EYA1: variants seen among roughly 807,000 people sequenced by gnomAD.
EYA1 encodes protein phosphatase EYA1.
EYA1 carries 16 observed loss-of-function variants against 82.0 expected under a neutral mutation model. The ratio of observed to expected loss-of-function variants is 0.20; its 90% CI spans 0.13 to 0.30. EYA1 has a LOEUF of 0.30. Among genes scored for constraint, EYA1 ranks in the 10% least tolerant of loss-of-function variants. EYA1 has a pLI of 1.00. For synonymous variants in EYA1, 261 were observed against 264.4 expected (o/e 0.99, Z 0.12); for missense variants, 633 against 730.7 (o/e 0.87, Z 1.54).
intron 2 of EYA1, among the ~76,000 whole-genome samples, chr8:71,457,060 A>G (rs1275390316): frequency 1.3e-5 from 2 of 152,226 alleles, no homozygotes; most frequent in African/African-American, 4.8e-5. Context: ...AAACAAATTT[A>G]CAAGAAAAAA....
At chr8:71,503,820 C>A (rs1320284017) in intron 2 of EYA1, among the ~76,000 whole-genome samples, 1 of 152,192 alleles carries the variant, frequency 6.6e-6, no homozygotes, top group Non-Finnish European at 1.5e-5. Context: ...CCAGCATCCC[C>A]ACAGACCACA....
At chr8:71,285,969 A>G (rs1036060719) in intron 9 of EYA1, among the ~76,000 whole-genome samples, 2 of 152,236 alleles carry the variant, frequency 1.3e-5, no homozygotes, top group Non-Finnish European at 2.9e-5. Context: ...TCAACTTTTT[A>G]AAAAATGAAT....
intron 2 of EYA1, among the ~76,000 whole-genome samples, chr8:71,438,893 G>T (rs890455909): frequency 2.0e-5 from 3 of 152,108 alleles, no homozygotes; most frequent in Non-Finnish European, 4.4e-5. Flanking sequence ...GATCTGACAG[G>T]TCACAGCAGT....
At chr8:71,369,266 T>C (rs1427039305) in intron 2 of EYA1, among the ~76,000 whole-genome samples, 2 of 152,078 alleles carry the variant, frequency 1.3e-5, no homozygotes, top group Non-Finnish European at 2.9e-5. Context: ...CCTATTTCAT[T>C]TTTGTATATT....
intron 3 of EYA1, among the ~76,000 whole-genome samples, chr8:71,346,431 A>AATATATATATATATATATATATATATAT (rs3066856): frequency 5.7e-5 from 6 of 105,494 alleles, no homozygotes; most frequent in South Asian, 3.7e-4. Context: ...TACTGCAGTG[A>AATATATATATATATATATATATATATAT]ATATATATAT....
intron 17 of EYA1, among the ~76,000 whole-genome samples, chr8:71,201,223 T>G (rs578164176): frequency 4.9e-5 from 7 of 144,038 alleles, no homozygotes; most frequent in African/African-American, 2.0e-4. Context: ...ACTATTGTAC[T>G]AGTTAAAAAA....
intron 7 of EYA1, among the ~76,000 whole-genome samples, chr8:71,315,215 A>T (rs1821779917): frequency 1.3e-5 from 2 of 152,262 alleles, no homozygotes; most frequent in African/African-American, 4.8e-5. Flanking sequence ...TTTCTAAAAA[A>T]AGAGACAGTA....
At chr8:71,272,938 A>T (rs1334014438) in intron 9 of EYA1, among the ~76,000 whole-genome samples, 2 of 152,232 alleles carry the variant, frequency 1.3e-5, no homozygotes, top group African/African-American at 4.8e-5. Context: ...CTGTTTGAAG[A>T]GAACAACTGA....
At chr8:71,209,477 C>T (rs1213700584) in intron 17 of EYA1, among the ~76,000 whole-genome samples, 4 of 152,136 alleles carry the variant, frequency 2.6e-5, no homozygotes, top group Non-Finnish European at 5.9e-5. Flanking sequence ...AGGTTTGTGA[C>T]TGGGATACAT....
At chr8:71,492,960 T>C (rs1376319948) in intron 2 of EYA1, among the ~76,000 whole-genome samples, 1 of 152,184 alleles carries the variant, frequency 6.6e-6, no homozygotes, top group African/African-American at 2.4e-5. Flanking sequence ...TTCCTCTTTG[T>C]GTGTCCATAT....
intron 2 of EYA1, among the ~76,000 whole-genome samples, chr8:71,478,250 TA>T (rs1196065082): frequency 2.0e-5 from 3 of 152,074 alleles, no homozygotes; most frequent in Admixed American, 1.3e-4. Context: ...TAAGAGCATG[TA>T]AAAGGCTGGT....
intron 2 of EYA1, among the ~76,000 whole-genome samples, chr8:71,380,916 C>T (rs1330470231): frequency 6.6e-6 from 1 of 152,336 alleles, no homozygotes; most frequent in Non-Finnish European, 1.5e-5. Flanking sequence ...GGGCCTTGCC[C>T]ACCTTGTGTT....
At chr8:71,379,239 G>C (rs146789185) in intron 2 of EYA1, among the ~76,000 whole-genome samples, 16 of 152,228 alleles carry the variant, frequency 1.1e-4, no homozygotes, top group African/African-American at 3.6e-4. Flanking sequence ...CAAGACCATA[G>C]AGGACCAGCC....
At chr8:71,261,361 G>T (rs2128931915) in intron 11 of EYA1, among the ~76,000 whole-genome samples, 1 of 152,174 alleles carries the variant, frequency 6.6e-6, no homozygotes, top group African/African-American at 2.4e-5. Context: ...TCAGATTTTG[G>T]GAGTTGGATG....
rs184862075 is a variant in EYA1, at chr8:71,210,436, A to T, written c.1698+720T>A. Among the ~76,000 whole-genome samples the T allele has an allele frequency of 2.0e-5, 3 of 152,198 alleles. No individual in the cohort carries two copies. The East Asian group carries it at 5.8e-4, about 29-fold the overall frequency. Reference sequence around the variant, plus strand: ...GTAAGGTACAGGAGGGAGACAGATCAGAAAGGCAGGCTGTAACCAGACTGT... The same window carrying T: ...GTAAGGTACAGGAGGGAGACAGATCTGAAAGGCAGGCTGTAACCAGACTGT... On this transcript the variant is annotated intron_variant, in intron 17 of 17. Transcript: ENST00000340726.
At chr8:71,223,703 T>C (rs141775989) in intron 12 of EYA1, among the ~76,000 whole-genome samples, 1 of 152,322 alleles carries the variant, frequency 6.6e-6, no homozygotes, top group East Asian at 1.9e-4. Context: ...ATTCTTGGCA[T>C]CAAGACTCAA....
intron 7 of EYA1, among the ~76,000 whole-genome samples, chr8:71,308,892 G>A (rs1476638427): frequency 6.6e-6 from 1 of 152,092 alleles, no homozygotes; most frequent in Non-Finnish European, 1.5e-5. Flanking sequence ...GCAGGATGCT[G>A]TTTGTCCCTC....
chr8:71,443,863 A>G (rs1795075198), intron 2 of EYA1, among the ~76,000 whole-genome samples: 1 of 152,262 alleles, frequency 6.6e-6, no homozygotes, highest in African/African-American at 2.4e-5. Flanking sequence ...TTTAAATAAC[A>G]TTAGGAAAGC....
At chr8:71,206,411 G>A (rs895140194) in intron 17 of EYA1, among the ~76,000 whole-genome samples, 7 of 151,926 alleles carry the variant, frequency 4.6e-5, no homozygotes, top group South Asian at 2.1e-4. Flanking sequence ...TTGTAGAGAC[G>A]GGTTTCACCA....
Sources: gnomAD v4.1 joint callset for allele counts (sites outside exome capture counted in the v4.1 genomes callset) on GRCh38, gnomAD v4.1.1 for gene constraint, MANE v1.5 for transcripts, NCBI Gene and HGNC (gene_info 2026-07-23, HGNC 2026-07-21) for gene names.